The following ABCC6 variants were observed in gnomAD, a reference collection of about 807,000 sequenced individuals.
The protein encoded by ABCC6 is ATP-binding cassette sub-family C member 6.
A neutral mutation model predicts 169.5 loss-of-function variants in ABCC6; 126 were observed. The observed-to-expected ratio is 0.74, with a 90% CI of 0.64 to 0.86. ABCC6 has a LOEUF of 0.86. Among genes scored for constraint, ABCC6 ranks in the 40% least tolerant of loss-of-function variants. ABCC6 has a pLI of 0.00. For synonymous variants in ABCC6, 752 were observed against 814.7 expected (o/e 0.92, Z 1.31); for missense variants, 1,733 against 1,927.2 (o/e 0.90, Z 1.89).
In ABCC6 at chr16:16,190,158, C is replaced by T. The variant is rs370532188; in HGVS notation, c.1635+6G>A. On this transcript the variant is annotated splice_donor_region_variant and intron_variant, in intron 12 of 30. Transcript: ENST00000205557. ...CTGCTCAGCATAGAGACTAGAGTGA[C>T]GTCACCAGAAATGTAGACACTTGGA... is the stretch of plus-strand genomic sequence containing the variant. The T allele has an allele frequency of 3.3e-5, 53 of 1,613,152 alleles. No homozygotes were observed. The highest frequency in any genetic ancestry group is 1.8e-4 in the East Asian group (8 of 44,874).
At position 16,184,850 on chromosome 16, in the gene ABCC6, C is replaced by T. The variant is rs1031712703; in HGVS notation, c.1943+109G>A. On this transcript the variant is annotated intron_variant, in intron 15 of 30. Coordinates refer to ENST00000205557, the MANE Select transcript of ABCC6 (RefSeq NM_001171.6). ...CCCCAGCCCAGCCAAACCCACCCTCCAGTCCCAGGCTGGAAACCTACACCA... is the reference window on the plus strand; with the variant it reads ...CCCCAGCCCAGCCAAACCCACCCTCTAGTCCCAGGCTGGAAACCTACACCA... 6.5e-6 allele frequency: 8 copies of T among 1,232,822 alleles called. No individual in the cohort carries two copies. In the Admixed American group the frequency reaches 6.8e-5, roughly 10 times the overall value. The allele number at this position is 1,232,822 out of a possible 1,614,324, so 76.4% of individuals were successfully genotyped here.
chr16:16,152,192 C>CAAAA lies in ABCC6; in HGVS notation c.4209-1424_4209-1421dup, dbSNP rs61339757. On this transcript the variant is annotated intron_variant, in intron 29 of 30. Coordinates refer to ENST00000205557, the MANE Select transcript of ABCC6 (RefSeq NM_001171.6). Reference sequence around the variant, plus strand: ...TGGGCGACAGAGCAAGACTCTGTCTCAAAAAAAAAAAAAAAAAAAAAAAGT... The same window carrying CAAAA: ...TGGGCGACAGAGCAAGACTCTGTCTCAAAAAAAAAAAAAAAAAAAAAAAAAAAGT... Among the ~76,000 whole-genome samples, 109 of 40,186 alleles carry CAAAA rather than the reference C, an allele frequency of 2.7e-3. 10 individuals are homozygous for CAAAA. Among genetic ancestry groups the CAAAA allele is most frequent in the East Asian group, 0.021 (19 of 912 alleles). 26.4% of individuals were successfully genotyped at this position (40,186 alleles called of 152,430 possible). A position where few individuals can be genotyped will look rare whatever the true frequency, so the allele number is the denominator to read the frequency against.
intron 11 of ABCC6, 136 bp from the exon 12 acceptor site, chr16:16,190,503 C>T (rs112414002): frequency 0.02 from 17,854 of 899,426 alleles, 214 homozygotes; most frequent in Non-Finnish European, 0.024. Flanking sequence ...CTCAGCACCT[C>T]TGACCCTCAC....
At position 16,214,380 on chromosome 16, in the gene ABCC6, C is replaced by A. The variant is rs1318474456; in HGVS notation, c.544G>T (p.Val182Leu). Reference protein sequence around the residue: ...LCLSLVVAQFVLSCLADQPPF... With the variant: ...LCLSLVVAQFLLSCLADQPPF... ...GGTTGATCCGCCAGGCAGGACAGCA[C>A]AAACTGTGCCACCACCAGAGACAGG... Residue 182 changes from valine (V) to leucine (L), a missense_variant, in exon 5 of 31, where the codon GTG becomes TTG. Transcript: ENST00000205557. 6.4e-7 allele frequency: 1 copy of A among 1,551,226 alleles called. No individual in the cohort carries two copies. Among genetic ancestry groups the A allele is most frequent in the African/African-American group, 1.4e-5 (1 of 73,100 alleles).
Position 16,203,481 on chromosome 16 carries a change from A to G in ABCC6, c.927T>C (p.Ser309=). 6.2e-7 allele frequency: 1 copy of G among 1,614,006 alleles called. No individual in the cohort carries two copies. Among genetic ancestry groups the G allele is most frequent in the East Asian group, 2.2e-5 (1 of 44,874 alleles). The part of the protein sequence containing the change: ...LLKAIWQVFH[S]TFLLGTLSLI... ...GGCTGAGGGTCCCCAGGAGGAAGGT[A>G]GAATGGAACACCTGCCAGATGGCCT... is the stretch of plus-strand genomic sequence containing the variant. The change falls in exon 8 of 31, where the codon TCT becomes TCC. Residue 309 remains serine, a synonymous_variant. Coordinates refer to ENST00000205557, the MANE Select transcript of ABCC6 (RefSeq NM_001171.6).
chr16:16,211,340 G>A (rs1025887975), intron 6 of ABCC6, among the ~76,000 whole-genome samples: 1 of 152,132 alleles, frequency 6.6e-6, no homozygotes. Flanking sequence ...GGCGGAGGTT[G>A]CAGTGAGCCA....
intron 8 of ABCC6, 109 bp downstream of exon 8, chr16:16,203,301 G>A (rs530970688): frequency 9.7e-5 from 149 of 1,544,010 alleles, no homozygotes; most frequent in Non-Finnish European, 1.3e-4. Flanking sequence ...CCAGTGTCCC[G>A]AGCACCAGAC....
chr16:16,204,414 C>T (rs2048331522), intron 7 of ABCC6, among the ~76,000 whole-genome samples: 1 of 152,160 alleles, frequency 6.6e-6, no homozygotes, highest in South Asian at 2.1e-4. Flanking sequence ...GCACCCCGTC[C>T]CCAACACACA....
intron 29 of ABCC6, among the ~76,000 whole-genome samples, chr16:16,151,758 A>G (rs2046391164): frequency 6.6e-6 from 1 of 152,210 alleles, no homozygotes. Context: ...AGAAGAGGAC[A>G]CAGATACAGA....
At chr16:16,160,628 C>CA (rs34511090) in intron 25 of ABCC6, among the ~76,000 whole-genome samples, 8,601 of 76,308 alleles carry the variant, frequency 0.11, 1,161 homozygotes, top group East Asian at 0.18. Flanking sequence ...CTGTTTCTAC[C>CA]AAAAAAAAAA....
chr16:16,186,575 G>T (rs991353572), intron 14 of ABCC6, among the ~76,000 whole-genome samples: 1 of 150,990 alleles, frequency 6.6e-6, no homozygotes, highest in Non-Finnish European at 1.5e-5. Flanking sequence ...TGCATGTGAG[G>T]AATCTGGGTT....
At chr16:16,174,494 C>T (rs994664337) in intron 20 of ABCC6, among the ~76,000 whole-genome samples, 6 of 152,180 alleles carry the variant, frequency 3.9e-5, no homozygotes, top group East Asian at 3.9e-4. Flanking sequence ...CAGTGGCTCA[C>T]GCGTGTAATC....
intron 13 of ABCC6, 87 bp from the exon 14 acceptor site, chr16:16,187,298 A>G (rs985189025): frequency 8.7e-6 from 9 of 1,034,766 alleles, no homozygotes; most frequent in Admixed American, 2.0e-5. Context: ...GTGTGGCAAC[A>G]GCTTCCTGTC....
chr16:16,150,324 T>C, intron 30 of ABCC6, 83 bp from the exon 31 acceptor site: 3 of 1,594,114 alleles, frequency 1.9e-6, no homozygotes, highest in East Asian at 2.3e-5. Flanking sequence ...GTGTCTGCGC[T>C]GAGGTTTTCT....
intron 18 of ABCC6, 98 bp from the exon 19 acceptor site, chr16:16,177,724 C>T (rs921618500): frequency 6.8e-7 from 1 of 1,470,190 alleles, no homozygotes; most frequent in Non-Finnish European, 9.4e-7. Context: ...ATGTGGATCA[C>T]TTGAGGCCAG....
At chr16:16,176,685 T>G (rs2047288531) in intron 19 of ABCC6, among the ~76,000 whole-genome samples, 1 of 152,200 alleles carries the variant, frequency 6.6e-6, no homozygotes, top group African/African-American at 2.4e-5. Context: ...TGCTTTGTCA[T>G]GAAGGGATAG....
rs551490442 is a variant in ABCC6, at chr16:16,221,503, C to G, written c.219+146G>C. On this transcript the variant is annotated intron_variant, in intron 2 of 30. Transcript: ENST00000205557. Reference sequence around the variant, plus strand: ...TGTTCCACTGAGTTGACCTCTGTAGCCTTTCTAATATTGCTCTGTTTGATT... The same window carrying G: ...TGTTCCACTGAGTTGACCTCTGTAGGCTTTCTAATATTGCTCTGTTTGATT... The G allele has an allele frequency of 4.8e-4, 710 of 1,482,722 alleles. 6 individuals are homozygous for G. The East Asian group carries it at 0.014, about 30-fold the overall frequency. 91.8% of individuals were successfully genotyped at this position (1,482,722 alleles called of 1,614,324 possible). A position where few individuals can be genotyped will look rare whatever the true frequency, so the allele number is the denominator to read the frequency against.
intron 29 of ABCC6, among the ~76,000 whole-genome samples, chr16:16,151,096 G>A (rs2046375446): frequency 6.9e-6 from 1 of 145,050 alleles, no homozygotes; most frequent in South Asian, 2.2e-4. Flanking sequence ...ACGGAGTCTT[G>A]CTCTGCCACC....
At chr16:16,214,763 C>A (rs894499487) in intron 4 of ABCC6, among the ~76,000 whole-genome samples, 1 of 152,120 alleles carries the variant, frequency 6.6e-6, no homozygotes, top group African/African-American at 2.4e-5. Flanking sequence ...CACCACCATG[C>A]CTGGCTAACT....
Sources: allele counts gnomAD v4.1 joint callset (sites outside exome capture counted in the v4.1 genomes callset), GRCh38; gene constraint gnomAD v4.1.1; transcripts MANE v1.5; gene names NCBI Gene and HGNC (gene_info 2026-07-23, HGNC 2026-07-21).